Variants in BRIP1 observed in about 807,000 individuals in gnomAD.
BRIP1 encodes Fanconi anemia group J protein.
BRIP1 carries 88 observed loss-of-function variants against 119.7 expected under a neutral mutation model. The observed-to-expected ratio is 0.74, with a 90% CI of 0.62 to 0.88. The LOEUF is 0.88. Ranked by LOEUF, BRIP1 falls within the 40% of genes least tolerant of loss-of-function variation. The pLI, the probability that BRIP1 is intolerant of heterozygous loss-of-function variation, is 0.00. For missense variants in BRIP1, 1,259 were observed against 1,455.4 expected (o/e 0.87, Z 2.20); for synonymous variants, 443 against 496.5 (o/e 0.89, Z 1.43).
chr17:61,844,853 T>C lies in BRIP1; in HGVS notation c.627+2248A>G, dbSNP rs1490933709. Among the ~76,000 whole-genome samples, 1 of 152,256 alleles carries C rather than the reference T, an allele frequency of 6.6e-6. No individual in the cohort carries two copies. Among genetic ancestry groups the C allele is most frequent in the Non-Finnish European group, 1.5e-5 (1 of 68,042 alleles). ...ACTAGCTTTGTGATCTTAGGCCAGT[T>C]TCTTCCTTCTCAGAGTTTCCTCATC... On this transcript the variant is annotated intron_variant, in intron 6 of 19. Transcript: ENST00000259008. The surrounding 1 kb of genome is among the most constrained non-coding windows in gnomAD (Gnocchi z 4.7).
chr17:61,796,357 A>G lies in BRIP1; in HGVS notation c.1341-2628T>C, dbSNP rs1438871188. 2.6e-5 allele frequency among the ~76,000 whole-genome samples: 4 copies of G among 151,996 alleles called. No individual in the cohort carries two copies. Among genetic ancestry groups the G allele is most frequent in the East Asian group, 1.9e-4 (1 of 5,190 alleles). The stretch of plus-strand genomic sequence containing the variant: ...ACCGATGTCCTGGAGAGTTTTTCCA[A>G]TGTTTTCTGGTAGTAGTTTCATAGT... On this transcript the variant is annotated intron_variant, in intron 9 of 19. Transcript: ENST00000259008. The surrounding 1 kb of genome is among the most constrained non-coding windows in gnomAD (Gnocchi z 4.8).
chr17:61,819,040 G>A (rs1162362406), intron 6 of BRIP1, among the ~76,000 whole-genome samples: 2 of 151,958 alleles, frequency 1.3e-5, no homozygotes, highest in Non-Finnish European at 2.9e-5. Flanking sequence ...ACAAAAATCA[G>A]CCAGGTGTGG....
rs2061733374 is a variant in BRIP1, at chr17:61,708,916, T to G, written c.2492+7035A>C. Reference sequence around the variant, plus strand: ...CTCAGAGCTGAAAAGAAAAGGGGGGTGGAGTTCTCACATTCAGTATGTAAA... The same window carrying G: ...CTCAGAGCTGAAAAGAAAAGGGGGGGGGAGTTCTCACATTCAGTATGTAAA... On this transcript the variant is annotated intron_variant, in intron 17 of 19. Coordinates refer to ENST00000259008, the MANE Select transcript of BRIP1 (RefSeq NM_032043.3). This position sits in a 1 kb window ranked among gnomAD's most constrained non-coding sequence, Gnocchi z 4.4. Among the ~76,000 whole-genome samples the G allele has an allele frequency of 6.6e-6, 1 of 151,996 alleles. No homozygotes were observed. Among genetic ancestry groups the G allele is most frequent in the Admixed American group, 6.6e-5 (1 of 15,240 alleles).
At position 61,705,869 on chromosome 17, in the gene BRIP1, ATTTCTAG is replaced by A. The variant is rs1234065396; in HGVS notation, c.2492+10075_2492+10081del. Among the ~76,000 whole-genome samples, 1 of 152,032 alleles carries A rather than the reference ATTTCTAG, an allele frequency of 6.6e-6. No homozygotes were observed. The highest frequency in any genetic ancestry group is 1.5e-5 in the Non-Finnish European group (1 of 67,984). On this transcript the variant is annotated intron_variant, in intron 17 of 19. Transcript: ENST00000259008. This position sits in a 1 kb window ranked among gnomAD's most constrained non-coding sequence, Gnocchi z 5.0. Reference sequence around the variant, plus strand: ...GTATTTGGACATTTTTCTGTTATTGATTTCTAGTTTAAACTAGATTACTAGTTTAATT... The same window carrying A: ...GTATTTGGACATTTTTCTGTTATTGATTTAAACTAGATTACTAGTTTAATT...
chr17:61,686,707 C>G lies in BRIP1; in HGVS notation c.2576-542G>C, dbSNP rs1306031463. Reference sequence around the variant, plus strand: ...CACTGTCTTATGGGTAAATCACATCCCTTCTGAATTTTTATGATATAATTA... The same window carrying G: ...CACTGTCTTATGGGTAAATCACATCGCTTCTGAATTTTTATGATATAATTA... On this transcript the variant is annotated intron_variant, in intron 18 of 19. Transcript: ENST00000259008. The surrounding 1 kb of genome is among the most constrained non-coding windows in gnomAD (Gnocchi z 5.4). Among the ~76,000 whole-genome samples, 1 of 151,786 alleles carries G rather than the reference C, an allele frequency of 6.6e-6. No homozygotes were observed. The highest frequency in any genetic ancestry group is 1.5e-5 in the Non-Finnish European group (1 of 67,938).
In BRIP1 at chr17:61,744,438, CT is replaced by C. The variant is rs1567781027; in HGVS notation, c.2250del (p.Glu751ArgfsTer8). 6.2e-7 allele frequency: 1 copy of C among 1,613,672 alleles called. No individual in the cohort carries two copies. Among genetic ancestry groups the C allele is most frequent in the Non-Finnish European group, 8.5e-7 (1 of 1,179,828 alleles). ...QVYYDAIKYK[G>X]EKDGALLVAV... ...TGAAATAATTTCCAGTTACCTTTCT[CT>C]CCTTTGTATTTGATTGCGTCATAGT... On this transcript the variant is annotated frameshift_variant, in exon 15 of 20. Coordinates refer to ENST00000259008, the MANE Select transcript of BRIP1 (RefSeq NM_032043.3). LOFTEE classifies it high-confidence loss of function. This position sits in a 1 kb window ranked among gnomAD's most constrained non-coding sequence, Gnocchi z 5.0.
chr17:61,743,171 GA>G lies in BRIP1; in HGVS notation c.2258-38del. On this transcript the variant is annotated intron_variant, in intron 15 of 19. Coordinates refer to ENST00000259008, the MANE Select transcript of BRIP1 (RefSeq NM_032043.3). This position sits in a 1 kb window ranked among gnomAD's most constrained non-coding sequence, Gnocchi z 4.3. ...GAAAAAAGCATATCCAAAATTCTCAGAAATTGCTTATTCTTGTCATTTTGAA... is the reference window on the plus strand; with the variant it reads ...GAAAAAAGCATATCCAAAATTCTCAGAATTGCTTATTCTTGTCATTTTGAA... 1 of 1,609,998 alleles carries G rather than the reference GA, an allele frequency of 6.2e-7. No individual in the cohort carries two copies. Among genetic ancestry groups the G allele is most frequent in the Non-Finnish European group, 8.5e-7 (1 of 1,176,680 alleles).
chr17:61,863,033 C>T (rs1033058392), intron 1 of BRIP1, among the ~76,000 whole-genome samples: 1 of 152,084 alleles, frequency 6.6e-6, no homozygotes, highest in African/African-American at 2.4e-5. Flanking sequence ...GTAGCTTCCC[C>T]CAAACATTGC....
intron 11 of BRIP1, among the ~76,000 whole-genome samples, chr17:61,783,576 TA>T (rs891517610): frequency 1.6e-4 from 24 of 147,252 alleles, no homozygotes; most frequent in South Asian, 2.1e-4. Context: ...TTTACCACAA[TA>T]AAAAAAAAAT....
rs2078655509 is a variant in BRIP1 at position 61,841,418 on chromosome 17, T to C, written c.627+5683A>G. Among the ~76,000 whole-genome samples, 1 of 151,550 alleles carries C rather than the reference T, an allele frequency of 6.6e-6. No individual in the cohort carries two copies. Among genetic ancestry groups the C allele is most frequent in the Admixed American group, 6.6e-5 (1 of 15,198 alleles). On this transcript the variant is annotated intron_variant, in intron 6 of 19. Transcript: ENST00000259008. This position sits in a 1 kb window ranked among gnomAD's most constrained non-coding sequence, Gnocchi z 4.1. ...GTGTGAATAAACATTTCTCAAAAGA[T>C]ACATAAAGCCAACAAGAACATGAAA...
rs1485710857 is a variant in BRIP1, at chr17:61,706,338, G to A, written c.2492+9613C>T. Among the ~76,000 whole-genome samples, 2 of 152,104 alleles carry A rather than the reference G, an allele frequency of 1.3e-5. No individual in the cohort carries two copies. Among genetic ancestry groups the A allele is most frequent in the African/African-American group, 4.8e-5 (2 of 41,436 alleles). ...CCACATATTCTGTCTAGGTTTTTTA[G>A]ACTACTAAATATGCTTACTTCATCT... On this transcript the variant is annotated intron_variant, in intron 17 of 19. Transcript: ENST00000259008. This position sits in a 1 kb window ranked among gnomAD's most constrained non-coding sequence, Gnocchi z 5.7.
In BRIP1 at chr17:61,682,106, A is replaced by G. The variant is rs1846540253; in HGVS notation, c.*1190T>C. 1 of 203,968 alleles carries G rather than the reference A, an allele frequency of 4.9e-6. No homozygotes were observed. The highest frequency in any genetic ancestry group is 1.9e-4 in the South Asian group (1 of 5,288). The allele number at this position is 203,968 out of a possible 1,614,324, so 12.6% of individuals were successfully genotyped here. On this transcript the variant is annotated 3_prime_UTR_variant, in exon 20 of 20. Transcript: ENST00000259008. The surrounding 1 kb of genome is among the most constrained non-coding windows in gnomAD (Gnocchi z 4.9). ...AAAAACACAAACAAGGTCAAAATTC[A>G]CAGAAAGGATTACTGTGCCCTAAGG...
Position 61,841,745 on chromosome 17 carries a change from A to AT in BRIP1, c.627+5355dup, listed in dbSNP as rs2078660788. Among the ~76,000 whole-genome samples the AT allele has an allele frequency of 6.6e-6, 1 of 152,166 alleles. No homozygotes were observed. Among genetic ancestry groups the AT allele is most frequent in the Non-Finnish European group, 1.5e-5 (1 of 68,026 alleles). On this transcript the variant is annotated intron_variant, in intron 6 of 19. Coordinates refer to ENST00000259008, the MANE Select transcript of BRIP1 (RefSeq NM_032043.3). This position sits in a 1 kb window ranked among gnomAD's most constrained non-coding sequence, Gnocchi z 4.1. Reference sequence around the variant, plus strand: ...AAATCTAGAGTACAGTAGCATGATCATATCTCACCACAGTCTGAAACTCCT... The same window carrying AT: ...AAATCTAGAGTACAGTAGCATGATCATTATCTCACCACAGTCTGAAACTCCT...
chr17:61,791,031 T>C (rs2077808127), intron 10 of BRIP1, among the ~76,000 whole-genome samples: 1 of 152,216 alleles, frequency 6.6e-6, no homozygotes, highest in African/African-American at 2.4e-5. Context: ...GATACCACGC[T>C]GCATTTTATA....
At position 61,809,907 on chromosome 17, in the gene BRIP1, G is replaced by A. The variant is rs1273972076; in HGVS notation, c.628-1150C>T. Among the ~76,000 whole-genome samples the A allele has an allele frequency of 6.6e-6, 1 of 152,110 alleles. No individual in the cohort carries two copies. The highest frequency in any genetic ancestry group is 1.5e-5 in the Non-Finnish European group (1 of 68,012). ...GTTACACCACAATACTGGGGATGAA[G>A]CTGTCTTTTAGCCTCAACTCAGTGG... On this transcript the variant is annotated intron_variant, in intron 6 of 19. Transcript: ENST00000259008. This position sits in a 1 kb window ranked among gnomAD's most constrained non-coding sequence, Gnocchi z 5.2.
At chr17:61,850,924 T>C (rs2078811470) in intron 4 of BRIP1, among the ~76,000 whole-genome samples, 1 of 151,886 alleles carries the variant, frequency 6.6e-6, no homozygotes, top group African/African-American at 2.4e-5. Context: ...GTAGGAATAT[T>C]TTCTTCTTAA....
At chr17:61,711,695 C>T (rs2061777078) in intron 17 of BRIP1, among the ~76,000 whole-genome samples, 1 of 151,910 alleles carries the variant, frequency 6.6e-6, no homozygotes, top group African/African-American at 2.4e-5. Context: ...ATAGCGAAAC[C>T]CGTCTCTACT....
Position 61,842,827 on chromosome 17 carries a change from C to T in BRIP1, c.627+4274G>A, listed in dbSNP as rs567070729. ...ACTTGTTTAATCCTCCTAACGGCCC[C>T]GTGAGATAGGTACTATTACTAACCC... On this transcript the variant is annotated intron_variant, in intron 6 of 19. Coordinates refer to ENST00000259008, the MANE Select transcript of BRIP1 (RefSeq NM_032043.3). The surrounding 1 kb of genome is among the most constrained non-coding windows in gnomAD (Gnocchi z 5.1). Among the ~76,000 whole-genome samples the T allele has an allele frequency of 8.5e-5, 13 of 152,190 alleles. No individual in the cohort carries two copies. The East Asian group carries it at 2.1e-3, about 25-fold the overall frequency.
In BRIP1 at chr17:61,779,821, C is replaced by T. The variant is rs9646426; in HGVS notation, c.1935+440G>A. 7.3e-4 allele frequency among the ~76,000 whole-genome samples: 110 copies of T among 151,538 alleles called. 1 individual carries two copies. Among genetic ancestry groups the T allele is most frequent in the Non-Finnish European group, 1.2e-3 (82 of 67,876 alleles). ...AAAAATAAAAAATTAGCCAGGCGTG[C>T]GGCGCACACCTGTAATCTCAGCAAC... is the stretch of plus-strand genomic sequence containing the variant. On this transcript the variant is annotated intron_variant, in intron 13 of 19. Coordinates refer to ENST00000259008, the MANE Select transcript of BRIP1 (RefSeq NM_032043.3).
Sources: gnomAD v4.1 joint callset for allele counts (sites outside exome capture counted in the v4.1 genomes callset) on GRCh38, gnomAD v4.1.1 for gene constraint, Gnocchi (gnomAD v3.1) non-coding constraint, MANE v1.5 for transcripts, NCBI Gene and HGNC (gene_info 2026-07-23, HGNC 2026-07-21) for gene names.